TMEM164: variants seen among roughly 807,000 people sequenced by gnomAD.
TMEM164 encodes the protein RP13-360B22.2.
In TMEM164, 4 loss-of-function variants were observed where a neutral mutation model predicts 18.8. That is an observed-to-expected ratio of 0.21 (90% CI 0.10 to 0.49). The LOEUF is 0.49. Ranked by LOEUF, TMEM164 falls within the 20% of genes least tolerant of loss-of-function variation. The pLI, the probability that TMEM164 is intolerant of heterozygous loss-of-function variation, is 0.98. For missense variants in TMEM164, 108 were observed against 239.9 expected (o/e 0.45, Z 3.63); for synonymous variants, 86 against 101.7 (o/e 0.85, Z 0.93).
At chrX:110,047,645 A>G (rs1340828917) in intron 2 of TMEM164, among the ~76,000 whole-genome samples, 1 of 112,047 alleles carries the variant, frequency 8.9e-6, no homozygotes, top group Non-Finnish European at 1.9e-5. Flanking sequence ...TCTTTTTTCA[A>G]AAACTGTCTC....
chrX:110,088,807 T>G (rs762056350), intron 3 of TMEM164, among the ~76,000 whole-genome samples: 1 of 112,238 alleles, frequency 8.9e-6, no homozygotes, highest in Admixed American at 9.5e-5. Context: ...AGGGACTGCT[T>G]TTATTTTTTT....
At chrX:110,049,922 C>A (rs1274873679) in intron 2 of TMEM164, among the ~76,000 whole-genome samples, 1 of 111,284 alleles carries the variant, frequency 9.0e-6, no homozygotes, top group Admixed American at 9.5e-5. Context: ...CTAATTAAAA[C>A]CATCGTAAGC....
Position 110,176,687 on chromosome X carries a change from CT to C in TMEM164, c.*3237del, listed in dbSNP as rs763886519. ...CAAGTTGTCAGCAGGTCTCTGTGCACTGGTATTGGGGCAGGGCAGTGCCCTG... is the reference window on the plus strand; with the variant it reads ...CAAGTTGTCAGCAGGTCTCTGTGCACGGTATTGGGGCAGGGCAGTGCCCTG... On this transcript the variant is annotated 3_prime_UTR_variant, in exon 7 of 7. Transcript: ENST00000372068. 6.3e-5 allele frequency: 7 copies of C among 111,800 alleles called. No individual in the cohort carries two copies. The highest frequency in any genetic ancestry group is 2.0e-4 in the African/African-American group (6 of 30,496). 9.2% of individuals were successfully genotyped at this position (111,800 alleles called of 1,213,427 possible). A position where few individuals can be genotyped will look rare whatever the true frequency, so the allele number is the denominator to read the frequency against.
At chrX:110,087,013 A>G in intron 3 of TMEM164, among the ~76,000 whole-genome samples, 1 of 111,665 alleles carries the variant, frequency 9.0e-6, no homozygotes, top group Non-Finnish European at 1.9e-5. Flanking sequence ...GGGCTTTTCT[A>G]CTTCTCTAGA....
chrX:110,004,822 T>A (rs1440634125), intron 2 of TMEM164, among the ~76,000 whole-genome samples: 1 of 111,984 alleles, frequency 8.9e-6, no homozygotes, highest in Admixed American at 9.4e-5. Flanking sequence ...TTTCTTTTTT[T>A]GCAAACCTCT....
intron 3 of TMEM164, among the ~76,000 whole-genome samples, chrX:110,086,658 A>G (rs76725272): frequency 5.3e-4 from 37 of 69,987 alleles, no homozygotes; most frequent in South Asian, 1.1e-3. Flanking sequence ...GTATATATAT[A>G]TGTGTGTGTG....
intron 4 of TMEM164, among the ~76,000 whole-genome samples, chrX:110,130,273 G>A (rs1278323157): frequency 2.7e-5 from 3 of 111,985 alleles, no homozygotes; most frequent in Non-Finnish European, 3.8e-5. Context: ...AAGGGCCTCA[G>A]GGCACATGTA....
intron 2 of TMEM164, among the ~76,000 whole-genome samples, chrX:110,062,436 A>G (rs1431519941): frequency 8.9e-6 from 1 of 112,043 alleles, no homozygotes; most frequent in Non-Finnish European, 1.9e-5. Context: ...GTTGCAGCAG[A>G]AAACAGATCC....
chrX:110,071,571 G>GT (rs973660111), intron 3 of TMEM164, among the ~76,000 whole-genome samples: 2 of 108,062 alleles, frequency 1.9e-5, no homozygotes, highest in African/African-American at 6.7e-5. Context: ...TTTTCTTAGT[G>GT]TTTTTTTCTT....
chrX:110,165,947 G>T (rs1450086985), intron 5 of TMEM164, among the ~76,000 whole-genome samples: 1 of 112,057 alleles, frequency 8.9e-6, no homozygotes, highest in Non-Finnish European at 1.9e-5. Context: ...ACATAAATTT[G>T]ACCTTTTTAT....
At chrX:110,021,171 TTAAG>T (rs1005274069) in intron 2 of TMEM164, among the ~76,000 whole-genome samples, 7 of 111,046 alleles carry the variant, frequency 6.3e-5, no homozygotes, top group African/African-American at 2.3e-4. Context: ...CCTTTAGTAA[TTAAG>T]AGAAATACTT....
intron 2 of TMEM164, among the ~76,000 whole-genome samples, chrX:110,014,117 A>C (rs1446614241): frequency 9.2e-6 from 1 of 108,321 alleles, no homozygotes; most frequent in Non-Finnish European, 1.9e-5. Flanking sequence ...AGTATCTGGC[A>C]CATAAGACAC....
intron 2 of TMEM164, among the ~76,000 whole-genome samples, chrX:110,041,513 G>C (rs1332820243): frequency 9.0e-6 from 1 of 111,463 alleles, no homozygotes; most frequent in African/African-American, 3.3e-5. Context: ...CATAAGATTT[G>C]TTGGGACTCC....
chrX:110,148,598 C>T (rs1163296643), intron 5 of TMEM164, among the ~76,000 whole-genome samples: 1 of 109,861 alleles, frequency 9.1e-6, no homozygotes, highest in East Asian at 2.8e-4. Context: ...CAGCCTCAAC[C>T]TCCTGGCTTA....
chrX:110,015,786 C>G (rs930867869), intron 2 of TMEM164, among the ~76,000 whole-genome samples: 2 of 112,076 alleles, frequency 1.8e-5, no homozygotes, highest in Non-Finnish European at 3.8e-5. Context: ...GGGACCGCCT[C>G]TACATTTGGA....
In TMEM164 at chrX:110,003,611, C is replaced by A. The variant is rs1329590846; in HGVS notation, c.-164C>A. 1.8e-6 allele frequency: 1 copy of A among 564,724 alleles called. No homozygotes were observed. Among genetic ancestry groups the A allele is most frequent in the Non-Finnish European group, 2.7e-6 (1 of 363,773 alleles). The allele number at this position is 564,724 out of a possible 1,213,427, so 46.5% of individuals were successfully genotyped here. On this transcript the variant is annotated 5_prime_UTR_variant, in exon 2 of 7. Transcript: ENST00000372068. Reference sequence around the variant, plus strand: ...GTTAGAGCCAGCACTTTACCCCGGGCCTTGCGTGTAGCTTCCCCTCCCCTA... The same window carrying A: ...GTTAGAGCCAGCACTTTACCCCGGGACTTGCGTGTAGCTTCCCCTCCCCTA...
chrX:110,131,045 T>C (rs1339086620), intron 4 of TMEM164, among the ~76,000 whole-genome samples: 2 of 112,101 alleles, frequency 1.8e-5, no homozygotes, highest in Non-Finnish European at 3.8e-5. Context: ...TTTCCCTTGA[T>C]TTAGGGATTT....
intron 5 of TMEM164, among the ~76,000 whole-genome samples, chrX:110,147,610 T>TC (rs1491375471): frequency 3.7e-5 from 4 of 108,711 alleles, no homozygotes; most frequent in African/African-American, 1.0e-4. Flanking sequence ...ATTCTCTCTC[T>TC]TTTTTTTTCA....
At chrX:110,062,551 A>G (rs1936164421) in intron 2 of TMEM164, among the ~76,000 whole-genome samples, 2 of 111,843 alleles carry the variant, frequency 1.8e-5, no homozygotes, top group Non-Finnish European at 3.8e-5. Flanking sequence ...GAAGATCTAG[A>G]CTGTCTTCTA....
Sources: gnomAD v4.1 joint callset for allele counts (sites outside exome capture counted in the v4.1 genomes callset) on GRCh38, gnomAD v4.1.1 for gene constraint, MANE v1.5 for transcripts, NCBI Gene and HGNC (gene_info 2026-07-23, HGNC 2026-07-21) for gene names.